Variants in PVRIG observed in about 807,000 individuals in gnomAD.
PVRIG encodes the protein PVR related immunoglobulin domain containing.
In PVRIG, 16 loss-of-function variants were observed where a neutral mutation model predicts 21.9. That is an observed-to-expected ratio of 0.73 (90% CI 0.50 to 1.11). The LOEUF is 1.11. Among genes scored for constraint, PVRIG ranks in the 50% most tolerant of loss-of-function variants. The pLI is 0.00. For synonymous variants in PVRIG, 190 were observed against 181.0 expected, an observed-to-expected ratio of 1.05 and a Z score of -0.40; for missense variants, 435 against 445.7, an observed-to-expected ratio of 0.98 and a Z score of 0.22.
At chr7:100,220,501 G>T in intron 3 of PVRIG, 37 bp downstream of exon 2, 1 of 1,611,684 alleles carries the variant, frequency 6.2e-7, no homozygotes. Context: ...GGGCAGGGAG[G>T]GGCTCGGGAA....
At chr7:100,220,059 C>G (rs1803114208) in intron 2 of PVRIG, 31 bp downstream of exon 1, 1 of 1,604,118 alleles carries the variant, frequency 6.2e-7, no homozygotes, top group East Asian at 2.2e-5. Flanking sequence ...GGGGCAGGGG[C>G]TGCAGGGAGG....
Position 100,220,915 on chromosome 7 carries a change from T to C in PVRIG, c.658-13T>C. 1.3e-6 allele frequency: 2 copies of C among 1,576,660 alleles called. No homozygotes were observed. Among genetic ancestry groups the C allele is most frequent in the Middle Eastern group, 1.7e-4 (1 of 5,844 alleles). On this transcript the variant is annotated splice_polypyrimidine_tract_variant and intron_variant, in intron 5 of 5. Transcript: ENST00000317271. ...GCTGTGCAGACTCACTTGACCCTCC[T>C]TCCCCCGCGCAGGCACCAAGCCAGG...
chr7:100,219,542 G>A (rs972994838), intron 1 of PVRIG: 1 of 350,118 alleles, frequency 2.9e-6, no homozygotes, highest in African/African-American at 2.2e-5. Flanking sequence ...CTGGCTCTCA[G>A]GTCCTCCCTG....
rs1240060038 is a variant in PVRIG at position 100,220,300 on chromosome 7, C to G, written c.305C>G (p.Pro102Arg). ...GAACGTGGCATCCGGCAATGGGCCC[C>G]TGCTCGCCAGGCCCGCTGGGAAACC... Residue 102 changes from proline (P) to arginine (R), a missense_variant, in exon 3 of 6, where the codon CCT (proline) becomes CGT (arginine). By Grantham distance (103) the Pro-to-Arg change is moderately radical. Coordinates refer to ENST00000317271, the Ensembl canonical transcript of PVRIG. 1.3e-6 allele frequency: 2 copies of G among 1,558,126 alleles called. No homozygotes were observed. Among genetic ancestry groups the G allele is most frequent in the African/African-American group, 2.7e-5 (2 of 73,480 alleles).
At chr7:100,221,028 G>T in exon 6 of PVRIG, 1 of 1,612,716 alleles carries the variant, frequency 6.2e-7, no homozygotes, top group Non-Finnish European at 8.5e-7. Context: ...CCCCATGGGG[G>T]GCCGTCCTGG....
exon 6 of PVRIG, chr7:100,220,965 C>T (rs1338902230): frequency 1.9e-6 from 3 of 1,592,328 alleles, no homozygotes; most frequent in Non-Finnish European, 2.6e-6. Context: ...CTTCACGTCC[C>T]TTATGCCACT....
chr7:100,220,763 T>C, exon 5 of PVRIG: 4 of 1,606,156 alleles, frequency 2.5e-6, no homozygotes, highest in Non-Finnish European at 2.5e-6. Context: ...CTCCCAGCCC[T>C]GCCCCTAGGC....
At chr7:100,220,416 G>A (rs1429204744) in exon 3 of PVRIG, 1 of 1,602,798 alleles carries the variant, frequency 6.2e-7, no homozygotes, top group South Asian at 1.1e-5. Flanking sequence ...GTCCTTCCCT[G>A]AGGGCTCCTG....
chr7:100,220,341 C>G, exon 3 of PVRIG: 1 of 1,559,170 alleles, frequency 6.4e-7, no homozygotes, highest in African/African-American at 1.4e-5. Context: ...CAGCATCTCT[C>G]TCATCCTGGA....
At chr7:100,220,186 T>A in exon 3 of PVRIG, 1 of 1,599,122 alleles carries the variant, frequency 6.3e-7, no homozygotes, top group South Asian at 1.1e-5. Flanking sequence ...CGTTGTGGGT[T>A]CCTGGGGTCT....
At chr7:100,219,566 C>T in intron 1 of PVRIG, 1 of 381,478 alleles carries the variant, frequency 2.6e-6, no homozygotes, top group East Asian at 6.1e-5. Flanking sequence ...GCTTCCCACT[C>T]CCAGGGGCTT....
exon 6 of PVRIG, chr7:100,221,285 C>T (rs1315474786): frequency 2.0e-6 from 3 of 1,477,052 alleles, no homozygotes; most frequent in African/African-American, 1.4e-5. Context: ...TTTCCCCCTC[C>T]CAGGCCTCCT....
rs763507335 is a variant in PVRIG, at chr7:100,221,054, A to T, written c.784A>T (p.Thr262Ser). The change falls in exon 6 of 6, where the codon ACC becomes TCC. Residue 262 changes from threonine (T) to serine (S), a missense_variant. Thr to Ser is a moderately conservative substitution (Grantham distance 58). Transcript: ENST00000317271. ...GCCGTCCTGGTGGGCGTCACTCCCC[A>T]CCCACGCTGCACACCGGCCCCAGGG... The T allele has an allele frequency of 4.3e-6, 7 of 1,613,038 alleles. No individual in the cohort carries two copies. The South Asian group carries it at 7.7e-5, about 18-fold the overall frequency.
At chr7:100,221,298 G>A (rs1803240816) in exon 6 of PVRIG, 2 of 1,426,592 alleles carry the variant, frequency 1.4e-6, no homozygotes, top group African/African-American at 2.8e-5. Context: ...GGCCTCCTGG[G>A]TGTCACCCCC....
At chr7:100,220,297 C>A in exon 3 of PVRIG, 1 of 1,558,292 alleles carries the variant, frequency 6.4e-7, no homozygotes, top group Non-Finnish European at 8.7e-7. Flanking sequence ...CGGCAATGGG[C>A]CCCTGCTCGC....
At chr7:100,220,203 A>C (rs1248050527) in exon 3 of PVRIG, 2 of 1,596,826 alleles carry the variant, frequency 1.3e-6, no homozygotes, top group East Asian at 2.3e-5. Context: ...GTCTGGCTCC[A>C]TCTCCCTGGT....
exon 6 of PVRIG, chr7:100,221,367 G>C: frequency 2.6e-6 from 2 of 769,078 alleles, no homozygotes; most frequent in Non-Finnish European, 1.9e-6. Flanking sequence ...AGGCCCACCT[G>C]CTGCGGATGT....
chr7:100,221,304 C>T (rs705867), exon 6 of PVRIG: 698,222 of 1,381,220 alleles, frequency 0.51, 178,399 homozygotes, highest in South Asian at 0.58. Flanking sequence ...CTGGGTGTCA[C>T]CCCCTTACTT....
At chr7:100,221,291 C>G (rs1190485985) in exon 6 of PVRIG, 2 of 1,439,184 alleles carry the variant, frequency 1.4e-6, no homozygotes, top group Non-Finnish European at 1.9e-6. Flanking sequence ...CCTCCCAGGC[C>G]TCCTGGGTGT....
Sources: allele counts gnomAD v4.1 joint callset, GRCh38; gene constraint gnomAD v4.1.1; transcripts MANE v1.5; gene names NCBI Gene and HGNC (gene_info 2026-07-23, HGNC 2026-07-21).